Variants in FAM210A observed in about 807,000 individuals in gnomAD.
The protein encoded by FAM210A is mitochondrial inner membrane scaffold 1, also known as family with sequence similarity 210 member A.
In FAM210A, 13 loss-of-function variants were observed where a neutral mutation model predicts 25.3. The observed-to-expected ratio is 0.51, with a 90% CI of 0.33 to 0.82. FAM210A has a LOEUF of 0.82. FAM210A is among the 40% of genes least tolerant of loss of function. FAM210A has a pLI of 0.02. For missense variants in FAM210A, 319 were observed against 323.2 expected, an observed-to-expected ratio of 0.99 and a Z score of 0.10; for synonymous variants, 125 against 118.7, an observed-to-expected ratio of 1.05 and a Z score of -0.35.
chr18:13,703,562 T>A (rs765906188), intron 1 of FAM210A, among the ~76,000 whole-genome samples: 8 of 152,198 alleles, frequency 5.3e-5, no homozygotes, highest in Non-Finnish European at 1.0e-4. Flanking sequence ...CACTAGAAAC[T>A]GCATGTTTCC....
intron 1 of FAM210A, among the ~76,000 whole-genome samples, chr18:13,689,270 G>A (rs1356789872): frequency 6.6e-6 from 1 of 151,976 alleles, no homozygotes; most frequent in Non-Finnish European, 1.5e-5. Flanking sequence ...GTTTTTTCTG[G>A]GCACGCCTTC....
chr18:13,718,164 C>A (rs1178456801), intron 1 of FAM210A, among the ~76,000 whole-genome samples: 1 of 152,138 alleles, frequency 6.6e-6, no homozygotes, highest in Non-Finnish European at 1.5e-5. Context: ...AACTGTGAGA[C>A]AATAAACCTG....
At chr18:13,715,973 T>C (rs2043858702) in intron 1 of FAM210A, among the ~76,000 whole-genome samples, 1 of 152,214 alleles carries the variant, frequency 6.6e-6, no homozygotes, top group South Asian at 2.1e-4. Flanking sequence ...ATGATGAAAA[T>C]GTTCTATATC....
intron 2 of FAM210A, among the ~76,000 whole-genome samples, chr18:13,672,743 A>G (rs2043454190): frequency 6.6e-6 from 1 of 152,232 alleles, no homozygotes; most frequent in Non-Finnish European, 1.5e-5. Flanking sequence ...ATTGCACTGT[A>G]AAAGCAAGAG....
intron 1 of FAM210A, among the ~76,000 whole-genome samples, chr18:13,693,478 C>T (rs559199311): frequency 7.2e-5 from 11 of 152,248 alleles, no homozygotes; most frequent in South Asian, 2.1e-4. Context: ...TGATGAACAT[C>T]GATGGAAAAG....
At chr18:13,676,630 T>C (rs2043506066) in intron 2 of FAM210A, among the ~76,000 whole-genome samples, 1 of 152,232 alleles carries the variant, frequency 6.6e-6, no homozygotes, top group East Asian at 1.9e-4. Flanking sequence ...TACACAATAG[T>C]CTACAGTTAA....
chr18:13,697,113 T>C (rs1291236871), intron 1 of FAM210A, among the ~76,000 whole-genome samples: 2 of 152,236 alleles, frequency 1.3e-5, no homozygotes, highest in Non-Finnish European at 2.9e-5. Flanking sequence ...CTGTACCATC[T>C]AGGTTTGGGT....
intron 1 of FAM210A, among the ~76,000 whole-genome samples, chr18:13,696,202 A>T: frequency 6.6e-6 from 1 of 152,210 alleles, no homozygotes; most frequent in Non-Finnish European, 1.5e-5. Flanking sequence ...AATCCTAGCA[A>T]ACTGTTTCTT....
intron 1 of FAM210A, among the ~76,000 whole-genome samples, chr18:13,703,294 T>G (rs1601961588): frequency 6.6e-6 from 1 of 152,186 alleles, no homozygotes; most frequent in South Asian, 2.1e-4. Flanking sequence ...CTCTGCACAT[T>G]TGGATCAGAG....
chr18:13,682,768 C>A (rs1163452178), intron 1 of FAM210A, among the ~76,000 whole-genome samples: 1 of 152,158 alleles, frequency 6.6e-6, no homozygotes, highest in Admixed American at 6.5e-5. Context: ...ACTCGGGAGG[C>A]TGAGGCATGA....
chr18:13,699,180 G>A (rs567159309), intron 1 of FAM210A, among the ~76,000 whole-genome samples: 10 of 152,280 alleles, frequency 6.6e-5, no homozygotes, highest in Middle Eastern at 6.8e-3. Context: ...AAGTAAAAAG[G>A]TGTGAAAGTC....
rs377046472 is a variant in FAM210A at position 13,666,413 on chromosome 18, G to C, written c.*67C>G. The C allele has an allele frequency of 7.9e-7, 1 of 1,269,424 alleles. No homozygotes were observed. The highest frequency in any genetic ancestry group is 2.4e-5 in the East Asian group (1 of 42,336). 78.6% of individuals were successfully genotyped at this position (1,269,424 alleles called of 1,614,324 possible). A position where few individuals can be genotyped will look rare whatever the true frequency, so the allele number is the denominator to read the frequency against. On this transcript the variant is annotated 3_prime_UTR_variant, in exon 4 of 4. Transcript: ENST00000651643. The stretch of plus-strand genomic sequence containing the variant: ...TAACCAAAAAAATAATCAGACACAT[G>C]TATCTTTGCCCATAGTTTCCAAAGG...
chr18:13,703,280 T>A (rs1199846509), intron 1 of FAM210A, among the ~76,000 whole-genome samples: 1 of 152,230 alleles, frequency 6.6e-6, no homozygotes, highest in African/African-American at 2.4e-5. Flanking sequence ...GGGGAAACAC[T>A]GAGCTCTGCA....
At position 13,664,529 on chromosome 18, in the gene FAM210A, A is replaced by G. The variant is rs906402231; in HGVS notation, c.*1951T>C. The G allele has an allele frequency of 1.3e-5, 2 of 152,226 alleles. No homozygotes were observed. Among genetic ancestry groups the G allele is most frequent in the African/African-American group, 4.8e-5 (2 of 41,458 alleles). The allele number at this position is 152,226 out of a possible 1,614,324, so 9.4% of individuals were successfully genotyped here. On this transcript the variant is annotated 3_prime_UTR_variant, in exon 4 of 4. Coordinates refer to ENST00000651643, the MANE Select transcript of FAM210A (RefSeq NM_152352.4). ...ATTATTTGATAAATACTTAAAAAACATGTTAATCATGTTTAGATTTGAAAA... is the reference window on the plus strand; with the variant it reads ...ATTATTTGATAAATACTTAAAAAACGTGTTAATCATGTTTAGATTTGAAAA...
At chr18:13,692,228 A>C (rs950349877) in intron 1 of FAM210A, among the ~76,000 whole-genome samples, 5 of 152,148 alleles carry the variant, frequency 3.3e-5, no homozygotes, top group Non-Finnish European at 7.3e-5. Flanking sequence ...CACCCAATAC[A>C]GGAGCACTCA....
At chr18:13,698,642 C>T (rs2043715143) in intron 1 of FAM210A, among the ~76,000 whole-genome samples, 1 of 152,120 alleles carries the variant, frequency 6.6e-6, no homozygotes, top group Non-Finnish European at 1.5e-5. Context: ...TGCCTAGCCA[C>T]CTGACCAAAA....
intron 1 of FAM210A, among the ~76,000 whole-genome samples, chr18:13,689,260 G>GT (rs1021417956): frequency 1.3e-5 from 2 of 152,154 alleles, no homozygotes; most frequent in Non-Finnish European, 2.9e-5. Flanking sequence ...TGTAACTTGT[G>GT]TTTTTTCTGG....
chr18:13,687,726 T>G (rs576912462), intron 1 of FAM210A: 4 of 152,352 alleles, frequency 2.6e-5, no homozygotes, highest in African/African-American at 7.2e-5. Context: ...AGGATCATGG[T>G]TAAACACTGC....
chr18:13,684,271 C>T (rs548616009), intron 1 of FAM210A, among the ~76,000 whole-genome samples: 3 of 152,104 alleles, frequency 2.0e-5, no homozygotes, highest in South Asian at 2.1e-4. Flanking sequence ...TGGTGGTGCA[C>T]GCCTGTAATC....
Sources: allele counts gnomAD v4.1 joint callset (sites outside exome capture counted in the v4.1 genomes callset), GRCh38; gene constraint gnomAD v4.1.1; transcripts MANE v1.5; gene names NCBI Gene and HGNC (gene_info 2026-07-23, HGNC 2026-07-21).